BMP6: variants seen among roughly 807,000 people sequenced by gnomAD.
The protein encoded by BMP6 is bone morphogenetic protein 6.
Under a neutral mutation model 54.1 loss-of-function variants are expected in BMP6, and 17 were observed. The observed-to-expected ratio is 0.31, with a 90% CI of 0.22 to 0.47. The LOEUF (loss-of-function observed/expected upper bound fraction) is 0.47. Among genes scored for constraint, BMP6 ranks in the 20% least tolerant of loss-of-function variants. The probability of loss-of-function intolerance (pLI) is 1.00; values close to 1 mark genes in which losing one functional copy is unlikely to be tolerated. For missense variants in BMP6, 720 were observed against 690.4 expected (o/e 1.04, Z -0.48); for synonymous variants, 328 against 291.2 (o/e 1.13, Z -1.28).
rs572706655 is a variant in BMP6, at chr6:7,869,640, A to G, written c.1204+7142A>G. ...GGATGCCCTGCCCCGTCACTGTCACATGGGCCCCGGCAGCCTTCCCATTTG... is the reference window on the plus strand; with the variant it reads ...GGATGCCCTGCCCCGTCACTGTCACGTGGGCCCCGGCAGCCTTCCCATTTG... On this transcript the variant is annotated intron_variant, in intron 4 of 6. Transcript: ENST00000283147. Among the ~76,000 whole-genome samples the G allele has an allele frequency of 3.9e-5, 6 of 152,244 alleles. 2 individuals are homozygous for G. The highest frequency in any genetic ancestry group is 1.2e-4 in the African/African-American group (5 of 41,542).
At chr6:7,789,039 A>G (rs1380587750) in intron 1 of BMP6, among the ~76,000 whole-genome samples, 1 of 152,210 alleles carries the variant, frequency 6.6e-6, no homozygotes, top group African/African-American at 2.4e-5. Flanking sequence ...ATACAACTTG[A>G]TGATTGGCCT....
At chr6:7,789,486 G>A (rs1758063979) in intron 1 of BMP6, among the ~76,000 whole-genome samples, 1 of 152,150 alleles carries the variant, frequency 6.6e-6, no homozygotes, top group African/African-American at 2.4e-5. Flanking sequence ...TATAACTGGG[G>A]AAGTTTAAAC....
At chr6:7,827,535 C>G (rs13211919) in intron 1 of BMP6, among the ~76,000 whole-genome samples, 3,846 of 152,232 alleles carry the variant, frequency 0.025, 55 homozygotes, top group Middle Eastern at 0.037. Flanking sequence ...TAAGAATTTC[C>G]TTCTCCAGCC....
intron 1 of BMP6, among the ~76,000 whole-genome samples, chr6:7,761,397 T>G (rs1226512248): frequency 6.6e-6 from 1 of 152,220 alleles, no homozygotes; most frequent in Non-Finnish European, 1.5e-5. Flanking sequence ...GCACAGTATA[T>G]TATTTTAACA....
At chr6:7,832,855 G>A (rs745605014) in intron 1 of BMP6, among the ~76,000 whole-genome samples, 48 of 151,076 alleles carry the variant, frequency 3.2e-4, no homozygotes, top group African/African-American at 1.1e-3. Context: ...TGAGGAAGGC[G>A]AAGTCACGAG....
chr6:7,840,270 G>T (rs538779970), intron 1 of BMP6, among the ~76,000 whole-genome samples: 7 of 152,288 alleles, frequency 4.6e-5, no homozygotes, highest in African/African-American at 1.7e-4. Flanking sequence ...AGGTTTTAAA[G>T]GGCAGGGGAG....
At chr6:7,783,776 TAGTC>T (rs1481790000) in intron 1 of BMP6, among the ~76,000 whole-genome samples, 2 of 152,244 alleles carry the variant, frequency 1.3e-5, no homozygotes, top group Non-Finnish European at 2.9e-5. Context: ...CCATTCCAAA[TAGTC>T]AGCAGAGGGA....
At chr6:7,875,984 C>T (rs1759609972) in intron 4 of BMP6, among the ~76,000 whole-genome samples, 1 of 152,152 alleles carries the variant, frequency 6.6e-6, no homozygotes, top group Non-Finnish European at 1.5e-5. Flanking sequence ...AGGGTGGAGA[C>T]ATTTGATTGG....
chr6:7,876,483 C>T (rs72829227), intron 4 of BMP6, among the ~76,000 whole-genome samples: 1,781 of 152,196 alleles, frequency 0.012, 9 homozygotes, highest in Non-Finnish European at 0.016. Context: ...ATTTGTTGGA[C>T]TTTTCATTCT....
chr6:7,819,677 G>T (rs1391995120), intron 1 of BMP6, among the ~76,000 whole-genome samples: 1 of 152,130 alleles, frequency 6.6e-6, no homozygotes, highest in Admixed American at 6.6e-5. Context: ...TTGTATTTAA[G>T]TTTTTTTCCC....
chr6:7,867,171 C>T (rs892185951), intron 4 of BMP6, among the ~76,000 whole-genome samples: 36 of 152,260 alleles, frequency 2.4e-4, no homozygotes, highest in Admixed American at 4.6e-4. Context: ...CACATCTGGC[C>T]AGCATTTTGT....
intron 1 of BMP6, among the ~76,000 whole-genome samples, chr6:7,766,992 G>T (rs1396148942): frequency 3.6e-5 from 5 of 140,516 alleles, no homozygotes; most frequent in East Asian, 4.1e-4. Flanking sequence ...TAGTTTGTTT[G>T]TTTTTTTTTT....
chr6:7,782,402 C>A (rs1254720565), intron 1 of BMP6, among the ~76,000 whole-genome samples: 2 of 152,096 alleles, frequency 1.3e-5, no homozygotes, highest in African/African-American at 4.8e-5. Context: ...GGACTTGGTG[C>A]TCTGTGTGTA....
At chr6:7,785,575 T>C (rs1758008468) in intron 1 of BMP6, among the ~76,000 whole-genome samples, 1 of 152,214 alleles carries the variant, frequency 6.6e-6, no homozygotes, top group South Asian at 2.1e-4. Flanking sequence ...TCTGAAGCTA[T>C]TAAAGGAATA....
intron 1 of BMP6, among the ~76,000 whole-genome samples, chr6:7,840,740 G>T (rs1427012355): frequency 1.3e-5 from 2 of 152,078 alleles, no homozygotes; most frequent in Non-Finnish European, 2.9e-5. Context: ...AGCAGAAGAA[G>T]CAGATAGCCT....
intron 1 of BMP6, among the ~76,000 whole-genome samples, chr6:7,794,142 G>A (rs888923170): frequency 1.1e-4 from 17 of 152,262 alleles, no homozygotes; most frequent in African/African-American, 3.6e-4. Flanking sequence ...TTCTTTTTGT[G>A]TCTGGGAAGG....
intron 1 of BMP6, among the ~76,000 whole-genome samples, chr6:7,826,380 T>G (rs964459017): frequency 1.3e-5 from 2 of 152,092 alleles, no homozygotes; most frequent in Admixed American, 6.5e-5. Context: ...GCTGCAGAGG[T>G]CAGAGGGGCA....
intron 1 of BMP6, among the ~76,000 whole-genome samples, chr6:7,789,008 C>T (rs1758056638): frequency 6.6e-6 from 1 of 151,980 alleles, no homozygotes; most frequent in South Asian, 2.1e-4. Flanking sequence ...TAGTTGACAA[C>T]TAATTGTATG....
At chr6:7,862,609 G>A in intron 4 of BMP6, 111 bp downstream of exon 4, 1 of 1,365,682 alleles carries the variant, frequency 7.3e-7, no homozygotes, top group African/African-American at 1.4e-5. Flanking sequence ...CAAATCCAAA[G>A]GCAAATAGGT....
Sources: gnomAD v4.1 joint callset for allele counts (sites outside exome capture counted in the v4.1 genomes callset) on GRCh38, gnomAD v4.1.1 for gene constraint, MANE v1.5 for transcripts, NCBI Gene and HGNC (gene_info 2026-07-23, HGNC 2026-07-21) for gene names.